Variants in ICAM1 observed in about 807,000 individuals in gnomAD.
ICAM1 encodes intercellular adhesion molecule 1.
Under a neutral mutation model 42.3 loss-of-function variants are expected in ICAM1, and 28 were observed. The observed-to-expected ratio is 0.66, with a 90% CI of 0.49 to 0.91. The LOEUF (loss-of-function observed/expected upper bound fraction) is 0.91. Ranked by LOEUF, ICAM1 falls within the 40% of genes least tolerant of loss-of-function variation. The pLI is 0.00. For missense variants in ICAM1, 637 were observed against 688.6 expected (o/e 0.93, Z 0.84); for synonymous variants, 304 against 305.9 (o/e 0.99, Z 0.07).
At chr19:10,276,116 C>A (rs1200939220) in intron 2 of ICAM1, among the ~76,000 whole-genome samples, 2 of 151,494 alleles carry the variant, frequency 1.3e-5, no homozygotes, top group Non-Finnish European at 1.5e-5. Flanking sequence ...ATTGCTTTAA[C>A]CCAGGGGTTC....
In ICAM1 at chr19:10,284,689, C is replaced by T. The variant is rs200152703; in HGVS notation, c.1180+32C>T. Reference sequence around the variant, plus strand: ...GGGGCTGCTGGTCAATGGCCCCTATCCCCCAAGGCCCAATCTCCCTGAAGG... The same window carrying T: ...GGGGCTGCTGGTCAATGGCCCCTATTCCCCAAGGCCCAATCTCCCTGAAGG... On this transcript the variant is annotated intron_variant, in intron 5 of 6. Coordinates refer to ENST00000264832, the MANE Select transcript of ICAM1 (RefSeq NM_000201.3). The surrounding 1 kb of genome is among the most constrained non-coding windows in gnomAD (Gnocchi z 5.4). The T allele has an allele frequency of 2.9e-4, 462 of 1,612,892 alleles. 2 individuals carry two copies. Among genetic ancestry groups the T allele is most frequent in the African/African-American group, 2.1e-3 (161 of 74,920 alleles).
Position 10,284,670 on chromosome 19 carries a change from G to T in ICAM1, c.1180+13G>T. ...CTTCGTGTCCTGTGTGAGTGGGGCTGCTGGTCAATGGCCCCTATCCCCCAA... is the reference window on the plus strand; with the variant it reads ...CTTCGTGTCCTGTGTGAGTGGGGCTTCTGGTCAATGGCCCCTATCCCCCAA... On this transcript the variant is annotated intron_variant, in intron 5 of 6. Transcript: ENST00000264832. This position sits in a 1 kb window ranked among gnomAD's most constrained non-coding sequence, Gnocchi z 5.4. The T allele has an allele frequency of 3.7e-6, 6 of 1,613,546 alleles. No individual in the cohort carries two copies. The highest frequency in any genetic ancestry group is 5.1e-6 in the Non-Finnish European group (6 of 1,179,610).
In ICAM1 at chr19:10,271,244, T is replaced by C. The variant is rs1430604098; in HGVS notation, c.67+18T>C. On this transcript the variant is annotated intron_variant, in intron 1 of 6. Transcript: ENST00000264832. ...GTTCCCAGGTGAGTCGGGGTGGGGA[T>C]TGCCGTCGGGCCAGTTCTCCGAAGC... 7 of 1,610,918 alleles carry C rather than the reference T, an allele frequency of 4.3e-6. No individual in the cohort carries two copies.
rs1599262143 is a variant in ICAM1 at position 10,271,200 on chromosome 19, T to C, written c.41T>C (p.Leu14Pro). ...SSPRPALPALLVLLGALFPGP... is the reference protein window; with the variant it reads ...SSPRPALPALPVLLGALFPGP... ...CCCCGGCCCGCGCTGCCCGCACTCC[T>C]GGTCCTGCTCGGGGCTCTGTTCCCA... The change falls in exon 1 of 7, where the codon CTG (leucine) becomes CCG (proline). Residue 14 changes from leucine (L) to proline (P), a missense_variant. By Grantham distance (98) the Leu-to-Pro change is moderately conservative. Transcript: ENST00000264832. 6.2e-7 allele frequency: 1 copy of C among 1,613,414 alleles called. No individual in the cohort carries two copies. Among genetic ancestry groups the C allele is most frequent in the Non-Finnish European group, 8.5e-7 (1 of 1,179,848 alleles).
chr19:10,281,721 CTTT>C (rs33958632), intron 2 of ICAM1, among the ~76,000 whole-genome samples: 2,491 of 106,136 alleles, frequency 0.023, 80 homozygotes, highest in African/African-American at 0.084. Context: ...GGTCCTGATG[CTTT>C]TTTTTTTTTT....
In ICAM1 at chr19:10,271,200, T is replaced by G; in HGVS notation, c.41T>G (p.Leu14Arg). 6.2e-7 allele frequency: 1 copy of G among 1,613,414 alleles called. No homozygotes were observed. The highest frequency in any genetic ancestry group is 8.5e-7 in the Non-Finnish European group (1 of 1,179,848). ...CCCCGGCCCGCGCTGCCCGCACTCC[T>G]GGTCCTGCTCGGGGCTCTGTTCCCA... ...SSPRPALPAL[L>R]VLLGALFPGP... is the part of the protein sequence containing the mutation. Residue 14 changes from leucine to arginine, a missense_variant, in exon 1 of 7, where the codon CTG (leucine) becomes CGG (arginine). By Grantham distance (102) the Leu-to-Arg change is moderately radical. Transcript: ENST00000264832.
intron 1 of ICAM1, among the ~76,000 whole-genome samples, 190 bp downstream of exon 1, chr19:10,271,416 G>A (rs2039979586): frequency 6.6e-6 from 1 of 152,232 alleles, no homozygotes; most frequent in Middle Eastern, 3.4e-3. Context: ...TTGGGCTATA[G>A]ATTGCAGCTT....
intron 2 of ICAM1, among the ~76,000 whole-genome samples, chr19:10,280,811 C>G (rs1036745035): frequency 6.6e-6 from 1 of 151,314 alleles, no homozygotes. Context: ...TCAGATGATC[C>G]ACCTGCCTCG....
chr19:10,283,410 G>C, intron 2 of ICAM1, 71 bp from the exon 3 acceptor site: 4 of 1,443,756 alleles, frequency 2.8e-6, no homozygotes, highest in Non-Finnish European at 3.7e-6. Flanking sequence ...CTCCCAGGCA[G>C]GTGCAGTTCG....
At chr19:10,283,910 G>C in intron 3 of ICAM1, 123 bp from the exon 4 acceptor site, 3 of 1,433,204 alleles carry the variant, frequency 2.1e-6, no homozygotes, top group South Asian at 1.3e-5. Context: ...TGTTCTAGGC[G>C]TATGTGACCT....
intron 2 of ICAM1, among the ~76,000 whole-genome samples, chr19:10,279,373 G>A (rs1158414587): frequency 2.0e-5 from 3 of 152,086 alleles, no homozygotes; most frequent in Non-Finnish European, 4.4e-5. Flanking sequence ...GCGAGACCCT[G>A]TCTCTAAGAA....
intron 2 of ICAM1, among the ~76,000 whole-genome samples, chr19:10,279,904 A>C (rs905020185): frequency 2.0e-5 from 3 of 149,028 alleles, no homozygotes; most frequent in Admixed American, 2.0e-4. Context: ...AGGAAGGGTG[A>C]GGTTGGCAGA....
In ICAM1 at chr19:10,284,534, A is replaced by G. The variant is rs1406188712; in HGVS notation, c.1057A>G (p.Arg353Gly). The G allele has an allele frequency of 6.2e-7, 1 of 1,613,880 alleles. No homozygotes were observed. Among genetic ancestry groups the G allele is most frequent in the Non-Finnish European group, 8.5e-7 (1 of 1,179,974 alleles). The change falls in exon 5 of 7, where the codon AGG (arginine) becomes GGG (glycine). Residue 353 changes from arginine (R) to glycine (G), a missense_variant. By Grantham distance (125) the Arg-to-Gly change is moderately radical. Transcript: ENST00000264832. This position sits in a 1 kb window ranked among gnomAD's most constrained non-coding sequence, Gnocchi z 5.4. ...GGTTCCAGCCCAGCCACTGGGCCCGAGGGCCCAGCTCCTGCTGAAGGCCAC... is the reference window on the plus strand; with the variant it reads ...GGTTCCAGCCCAGCCACTGGGCCCGGGGGCCCAGCTCCTGCTGAAGGCCAC... ...NGVPAQPLGPRAQLLLKATPE... is the reference protein window; with the variant it reads ...NGVPAQPLGPGAQLLLKATPE...
At chr19:10,279,517 G>C (rs1356201690) in intron 2 of ICAM1, among the ~76,000 whole-genome samples, 1 of 151,984 alleles carries the variant, frequency 6.6e-6, no homozygotes, top group Non-Finnish European at 1.5e-5. Flanking sequence ...GTCTCACTCT[G>C]TGGCCCAGGC....
At chr19:10,278,332 C>T (rs2040031086) in intron 2 of ICAM1, among the ~76,000 whole-genome samples, 1 of 152,108 alleles carries the variant, frequency 6.6e-6, no homozygotes, top group Non-Finnish European at 1.5e-5. Context: ...GGGAAAATGA[C>T]ACGGTGAGTG....
intron 2 of ICAM1, among the ~76,000 whole-genome samples, chr19:10,276,621 T>C (rs1021960762): frequency 6.6e-6 from 1 of 150,438 alleles, no homozygotes; most frequent in Non-Finnish European, 1.5e-5. Context: ...CCTAGGACAG[T>C]GCTGTTGGGA....
At chr19:10,278,071 C>T (rs2040029790) in intron 2 of ICAM1, among the ~76,000 whole-genome samples, 1 of 152,114 alleles carries the variant, frequency 6.6e-6, no homozygotes, top group Admixed American at 6.6e-5. Context: ...TGCTGGCATA[C>T]TAGTAGTCCC....
chr19:10,283,673 TGAG>T lies in ICAM1; in HGVS notation c.528_530del (p.Arg177del). 1 of 1,613,842 alleles carries T rather than the reference TGAG, an allele frequency of 6.2e-7. No homozygotes were observed. The highest frequency in any genetic ancestry group is 2.2e-5 in the East Asian group (1 of 44,872). On this transcript the variant is annotated inframe_deletion, in exon 3 of 7. Coordinates refer to ENST00000264832, the MANE Select transcript of ICAM1 (RefSeq NM_000201.3). ...GCTGAGGTCACGACCACGGTGCTGG[TGAG>T]GAGAGATCACCATGGAGCCAATTTC...
At chr19:10,271,679 C>G (rs191104878) in intron 1 of ICAM1, among the ~76,000 whole-genome samples, 6 of 152,294 alleles carry the variant, frequency 3.9e-5, no homozygotes, top group South Asian at 4.1e-4. Flanking sequence ...CCCCAGGACT[C>G]GATCATGATG....
Sources: allele counts gnomAD v4.1 joint callset (sites outside exome capture counted in the v4.1 genomes callset), GRCh38; gene constraint gnomAD v4.1.1; non-coding constraint Gnocchi (gnomAD v3.1); transcripts MANE v1.5; gene names NCBI Gene and HGNC (gene_info 2026-07-23, HGNC 2026-07-21).